PCDHGA8: variants seen among roughly 807,000 people sequenced by gnomAD.
PCDHGA8 encodes protocadherin gamma subfamily A, 8.
Under a neutral mutation model 59.2 loss-of-function variants are expected in PCDHGA8, and 45 were observed. The observed-to-expected ratio is 0.76, with a 90% CI of 0.60 to 0.98. The LOEUF is 0.98. Among genes scored for constraint, PCDHGA8 ranks in the 50% least tolerant of loss-of-function variants. The pLI is 0.00. For synonymous variants in PCDHGA8, 531 were observed against 519.0 expected (o/e 1.02, Z -0.32); for missense variants, 1,257 against 1,196.2 (o/e 1.05, Z -0.75).
rs775489120 is a variant in PCDHGA8 at position 141,418,594 on chromosome 5, C to T, written c.2424+23357C>T. ...ACAACCCCCCAGTGTTCAGCCAGGA[C>T]GTGTACAGGGTTAGCCTTCGGGAAG... On this transcript the variant is annotated intron_variant, in intron 1 of 3. Coordinates refer to ENST00000398604, the MANE Select transcript of PCDHGA8 (RefSeq NM_032088.2). The T allele has an allele frequency of 3.1e-6, 5 of 1,614,022 alleles. No individual in the cohort carries two copies. In the Admixed American group the frequency reaches 8.3e-5, roughly 27 times the overall value.
intron 1 of PCDHGA8, chr5:141,404,476 C>T (rs1453332441): frequency 6.2e-7 from 1 of 1,613,362 alleles, no homozygotes; most frequent in South Asian, 1.1e-5. Context: ...TCTCTATTAA[C>T]TCAGACACTG....
chr5:141,468,131 C>G (rs1006565854), intron 1 of PCDHGA8, among the ~76,000 whole-genome samples: 1 of 151,766 alleles, frequency 6.6e-6, no homozygotes, highest in African/African-American at 2.4e-5. Flanking sequence ...TTGAGACCAG[C>G]CTGGCCAACA....
chr5:141,451,593 C>A (rs2098719809), intron 1 of PCDHGA8, among the ~76,000 whole-genome samples: 1 of 152,042 alleles, frequency 6.6e-6, no homozygotes, highest in African/African-American at 2.4e-5. Context: ...TTGAAAGTGA[C>A]ATACAAGGCT....
At chr5:141,461,738 C>A (rs2099021378) in intron 1 of PCDHGA8, among the ~76,000 whole-genome samples, 1 of 150,904 alleles carries the variant, frequency 6.6e-6, no homozygotes. Flanking sequence ...TGGCACAATC[C>A]CGGCTCCCAG....
chr5:141,414,408 C>A (rs1190630924), intron 1 of PCDHGA8: 1 of 1,613,752 alleles, frequency 6.2e-7, no homozygotes, highest in Non-Finnish European at 8.5e-7. Context: ...TGGTGATACA[C>A]AGAGCCCTTG....
chr5:141,393,417 A>G lies in PCDHGA8; in HGVS notation c.604A>G (p.Arg202Gly), dbSNP rs2092754726. 6.2e-6 allele frequency: 10 copies of G among 1,614,032 alleles called. No homozygotes were observed. Among genetic ancestry groups the G allele is most frequent in the Non-Finnish European group, 8.5e-6 (10 of 1,179,888 alleles). The change falls in exon 1 of 4, where the codon AGG becomes GGG. Residue 202 changes from arginine to glycine, a missense_variant. Physicochemically the swap from Arg to Gly is moderately radical, Grantham distance 125. Coordinates refer to ENST00000398604, the MANE Select transcript of PCDHGA8 (RefSeq NM_032088.2). ...GCTGGTGCTGGAGCGCGCCCTGGAC[A>G]GGGAGGAAGAGGCTGCTCACCACCT... ...PELVLERALD[R>G]EEEAAHHLVL...
chr5:141,409,491 C>T (rs747701093), intron 1 of PCDHGA8: 3 of 1,613,994 alleles, frequency 1.9e-6, no homozygotes, highest in East Asian at 2.2e-5. Flanking sequence ...AGGGGCAAGC[C>T]GCCTCTTTCT....
chr5:141,465,043 T>C (rs1404714692), intron 1 of PCDHGA8, among the ~76,000 whole-genome samples: 2 of 152,030 alleles, frequency 1.3e-5, no homozygotes, highest in Non-Finnish European at 2.9e-5. Context: ...CAAATGACCC[T>C]ATATATTTTT....
intron 1 of PCDHGA8, chr5:141,414,573 A>G: frequency 6.2e-7 from 1 of 1,613,920 alleles, no homozygotes; most frequent in African/African-American, 1.3e-5. Context: ...CCTATATCCC[A>G]GAGAACAACG....
intron 1 of PCDHGA8, chr5:141,428,413 C>A: frequency 2.2e-6 from 1 of 461,904 alleles, no homozygotes; most frequent in Non-Finnish European, 4.0e-6. Context: ...TTGCTTTCAC[C>A]CTGGTCTCTG....
At chr5:141,409,184 T>C in intron 1 of PCDHGA8, 1 of 1,614,044 alleles carries the variant, frequency 6.2e-7, no homozygotes, top group Non-Finnish European at 8.5e-7. Context: ...AGGTGGTCTC[T>C]CTACCCAGTG....
chr5:141,492,998 C>A (rs2154589328), intron 1 of PCDHGA8, among the ~76,000 whole-genome samples: 1 of 152,334 alleles, frequency 6.6e-6, no homozygotes, highest in Admixed American at 6.5e-5. Flanking sequence ...AGATGGAAAG[C>A]TATAGGCTCT....
chr5:141,421,924 G>A, intron 1 of PCDHGA8: 1 of 1,613,564 alleles, frequency 6.2e-7, no homozygotes, highest in South Asian at 1.1e-5. Context: ...TCGTGTGGTG[G>A]TCCTCGATGT....
At position 141,477,131 on chromosome 5, in the gene PCDHGA8, TTGG is replaced by T; in HGVS notation, c.2425-17672_2425-17670del. 1 of 1,614,130 alleles carries T rather than the reference TTGG, an allele frequency of 6.2e-7. No individual in the cohort carries two copies. The highest frequency in any genetic ancestry group is 8.5e-7 in the Non-Finnish European group (1 of 1,180,014). On this transcript the variant is annotated intron_variant, in intron 1 of 3. Transcript: ENST00000398604. The surrounding 1 kb of genome is among the most constrained non-coding windows in gnomAD (Gnocchi z 4.9). The stretch of plus-strand genomic sequence containing the variant: ...TCCCGAAGGAGCACATTGCAAAGTG[TTGG>T]TGGAGGTTGTGGATGTGAATGACAA...
At chr5:141,398,727 A>G in intron 1 of PCDHGA8, 1 of 1,613,894 alleles carries the variant, frequency 6.2e-7, no homozygotes, top group Middle Eastern at 1.6e-4. Flanking sequence ...AGAAAACCTT[A>G]GACCGGGAAC....
intron 1 of PCDHGA8, among the ~76,000 whole-genome samples, chr5:141,461,968 C>A (rs2099027589): frequency 6.6e-6 from 1 of 152,204 alleles, no homozygotes; most frequent in African/African-American, 2.4e-5. Context: ...GGATTCCAGG[C>A]ATATGCCACC....
In PCDHGA8 at chr5:141,487,241, A is replaced by G. The variant is rs753291480; in HGVS notation, c.2425-7566A>G. ...TCCAAGGGAAGGAGAATCTCGTCTA[A>G]CCCTCTACTTGGCTGTGTCCCTAGT... On this transcript the variant is annotated intron_variant, in intron 1 of 3. Transcript: ENST00000398604. The surrounding 1 kb of genome is among the most constrained non-coding windows in gnomAD (Gnocchi z 5.0). 2 of 1,613,876 alleles carry G rather than the reference A, an allele frequency of 1.2e-6. No homozygotes were observed. The highest frequency in any genetic ancestry group is 3.3e-5 in the Admixed American group (2 of 59,988).
chr5:141,409,188 C>T lies in PCDHGA8; in HGVS notation c.2424+13951C>T, dbSNP rs1487313582. ...GCGAAGGACGGAGGTGGTCTCTCTA[C>T]CCAGTGTAAAGTAATCATAGAAATC... On this transcript the variant is annotated intron_variant, in intron 1 of 3. Transcript: ENST00000398604. 9 of 1,613,880 alleles carry T rather than the reference C, an allele frequency of 5.6e-6. No homozygotes were observed. In the Admixed American group the frequency reaches 8.3e-5, roughly 15 times the overall value.
intron 1 of PCDHGA8, among the ~76,000 whole-genome samples, chr5:141,463,117 A>G (rs2099053039): frequency 6.6e-6 from 1 of 152,196 alleles, no homozygotes; most frequent in African/African-American, 2.4e-5. Context: ...TTCAGCTAAT[A>G]GCTCCCTGGC....
Sources: allele counts gnomAD v4.1 joint callset (sites outside exome capture counted in the v4.1 genomes callset), GRCh38; gene constraint gnomAD v4.1.1; non-coding constraint Gnocchi (gnomAD v3.1); transcripts MANE v1.5; gene names NCBI Gene and HGNC (gene_info 2026-07-23, HGNC 2026-07-21).